Variants in ARID1B observed in about 807,000 individuals in gnomAD.
ARID1B encodes AT-rich interaction domain 1B.
In ARID1B, 30 loss-of-function variants were observed where a neutral mutation model predicts 212.3. That is an observed-to-expected ratio of 0.14 (90% CI 0.11 to 0.19). The LOEUF is 0.19. Among genes scored for constraint, ARID1B ranks in the 10% least tolerant of loss-of-function variants. The probability of loss-of-function intolerance (pLI) is 1.00; values close to 1 mark genes in which losing one functional copy is unlikely to be tolerated. For synonymous variants in ARID1B, 1,402 were observed against 1,301.7 expected (o/e 1.08, Z -1.66); for missense variants, 2,891 against 3,204.0 (o/e 0.90, Z 2.36).
intron 1 of ARID1B, among the ~76,000 whole-genome samples, chr6:156,822,189 A>G (rs1782397525): frequency 6.6e-6 from 1 of 152,152 alleles, no homozygotes; most frequent in African/African-American, 2.4e-5. Context: ...TCCTTTCTGT[A>G]CCATTGGAAA....
At chr6:156,971,680 G>T (rs913600950) in intron 4 of ARID1B, among the ~76,000 whole-genome samples, 2 of 152,094 alleles carry the variant, frequency 1.3e-5, no homozygotes, top group African/African-American at 4.8e-5. Context: ...GCTTGTGGGG[G>T]TTCCTCTTCC....
rs1360881445 is a variant in ARID1B at position 157,190,967 on chromosome 6, T to A, written c.4231+757T>A. The stretch of plus-strand genomic sequence containing the variant: ...GAGGTGGTGGGTGTCCAGAGCACAG[T>A]GAGCATGGGCCCGGGGACAGGCTGA... On this transcript the variant is annotated intron_variant, in intron 15 of 19. Coordinates refer to ENST00000636930, the MANE Select transcript of ARID1B (RefSeq NM_001374828.1). The surrounding 1 kb of genome is among the most constrained non-coding windows in gnomAD (Gnocchi z 4.6). Among the ~76,000 whole-genome samples, 1 of 151,590 alleles carries A rather than the reference T, an allele frequency of 6.6e-6. No homozygotes were observed. Among genetic ancestry groups the A allele is most frequent in the African/African-American group, 2.4e-5 (1 of 41,222 alleles).
chr6:156,920,992 G>A (rs1790740466), intron 3 of ARID1B, among the ~76,000 whole-genome samples: 1 of 152,008 alleles, frequency 6.6e-6, no homozygotes, highest in African/African-American at 2.4e-5. Flanking sequence ...GTAGCTGAGG[G>A]ATTACAGGCA....
rs77992707 is a variant in ARID1B at position 156,792,974 on chromosome 6, G to A, written c.1791+13503G>A. On this transcript the variant is annotated intron_variant, in intron 1 of 19. Coordinates refer to ENST00000636930, the MANE Select transcript of ARID1B (RefSeq NM_001374828.1). ...AAATGAGGACAATGAAAAAAAAATT[G>A]GGGGAAGTATCTTATCACAGTCTTG... Among the ~76,000 whole-genome samples the A allele has an allele frequency of 5.3e-3, 803 of 152,250 alleles. 45 individuals are homozygous for A. The East Asian group carries it at 0.13, about 26-fold the overall frequency.
chr6:157,166,855 T>G, intron 8 of ARID1B, 185 bp from the exon 9 acceptor site: 1 of 613,980 alleles, frequency 1.6e-6, no homozygotes, highest in Non-Finnish European at 2.6e-6. Flanking sequence ...TGTAAAGGGG[T>G]GTATTAAAGA....
intron 2 of ARID1B, among the ~76,000 whole-genome samples, chr6:156,884,903 G>A (rs1156871030): frequency 1.3e-5 from 2 of 152,100 alleles, no homozygotes; most frequent in Non-Finnish European, 2.9e-5. Flanking sequence ...AAGTCCTTCC[G>A]GACTACAGTG....
At chr6:157,156,944 C>T (rs1158883831) in intron 8 of ARID1B, among the ~76,000 whole-genome samples, 2 of 152,246 alleles carry the variant, frequency 1.3e-5, no homozygotes, top group African/African-American at 2.4e-5. Flanking sequence ...CTGCGCCGAC[C>T]TGACCCTGAC....
At chr6:157,146,184 C>T (rs916465109) in intron 7 of ARID1B, among the ~76,000 whole-genome samples, 1 of 152,152 alleles carries the variant, frequency 6.6e-6, no homozygotes, top group Non-Finnish European at 1.5e-5. Flanking sequence ...TGCCCTTTCC[C>T]CTCTTCTGCC....
chr6:157,027,673 C>G (rs1194456132), intron 4 of ARID1B, among the ~76,000 whole-genome samples: 1 of 152,190 alleles, frequency 6.6e-6, no homozygotes, highest in Non-Finnish European at 1.5e-5. Context: ...CCTTTTCATT[C>G]TCACCTAATC....
intron 8 of ARID1B, among the ~76,000 whole-genome samples, chr6:157,158,284 C>G (rs955413151): frequency 6.6e-6 from 1 of 152,146 alleles, no homozygotes; most frequent in Non-Finnish European, 1.5e-5. Context: ...ACTTTGTGGC[C>G]CAGGCCACCG....
At chr6:156,964,495 T>C (rs1424398821) in intron 4 of ARID1B, among the ~76,000 whole-genome samples, 1 of 152,206 alleles carries the variant, frequency 6.6e-6, no homozygotes, top group Non-Finnish European at 1.5e-5. Flanking sequence ...TTTAATATTC[T>C]ATGTAGGGAA....
At chr6:157,121,666 T>A (rs1787730460) in intron 6 of ARID1B, among the ~76,000 whole-genome samples, 1 of 132,944 alleles carries the variant, frequency 7.5e-6, no homozygotes, top group African/African-American at 3.1e-5. Flanking sequence ...GGAGTTTCAC[T>A]CTGTCATCCA....
At chr6:157,204,515 C>G (rs2128386770) in intron 19 of ARID1B, 1 of 152,648 alleles carries the variant, frequency 6.6e-6, no homozygotes, top group East Asian at 1.9e-4. Context: ...AATGAACCCC[C>G]ATGTACCTGT....
chr6:156,962,265 C>G (rs1311841993), intron 4 of ARID1B, among the ~76,000 whole-genome samples: 2 of 152,168 alleles, frequency 1.3e-5, no homozygotes, highest in African/African-American at 2.4e-5. Flanking sequence ...CGCCACTGCA[C>G]TCCAGCCTGG....
At chr6:156,960,048 A>G (rs1794261832) in intron 4 of ARID1B, among the ~76,000 whole-genome samples, 1 of 149,086 alleles carries the variant, frequency 6.7e-6, no homozygotes, top group South Asian at 2.1e-4. Flanking sequence ...CTCCTGCTTC[A>G]GCCTCCTGAG....
chr6:157,165,520 G>A (rs535007782), intron 8 of ARID1B, among the ~76,000 whole-genome samples: 1 of 152,032 alleles, frequency 6.6e-6, no homozygotes, highest in South Asian at 2.1e-4. Flanking sequence ...AGTTGAGTCC[G>A]CTGAAAATAG....
At chr6:157,126,324 C>T (rs887692161) in intron 6 of ARID1B, among the ~76,000 whole-genome samples, 9 of 152,124 alleles carry the variant, frequency 5.9e-5, no homozygotes, top group African/African-American at 2.2e-4. Flanking sequence ...ACCCACACAG[C>T]GAATGGGAGA....
chr6:157,162,832 G>C (rs536771618), intron 8 of ARID1B, among the ~76,000 whole-genome samples: 2 of 152,098 alleles, frequency 1.3e-5, no homozygotes, highest in East Asian at 3.9e-4. Flanking sequence ...TGCATCTACC[G>C]AATTATTGTA....
intron 12 of ARID1B, among the ~76,000 whole-genome samples, chr6:157,181,489 G>T (rs186766586): frequency 1.1e-4 from 17 of 152,308 alleles, no homozygotes; most frequent in Non-Finnish European, 2.5e-4. Context: ...GAATCTGCCA[G>T]TAGTTCATAG....
Sources: allele counts gnomAD v4.1 joint callset (sites outside exome capture counted in the v4.1 genomes callset), GRCh38; gene constraint gnomAD v4.1.1; non-coding constraint Gnocchi (gnomAD v3.1); transcripts MANE v1.5; gene names NCBI Gene and HGNC (gene_info 2026-07-23, HGNC 2026-07-21).